The following SORCS2 variants were observed in gnomAD, a reference collection of about 807,000 sequenced individuals.
SORCS2 encodes sortilin related VPS10 domain containing receptor 2, also known as VPS10 domain-containing receptor SorCS2.
A neutral mutation model predicts 141.6 loss-of-function variants in SORCS2; 100 were observed. The ratio of observed to expected loss-of-function variants is 0.71; its 90% confidence interval spans 0.60 to 0.83. The LOEUF (loss-of-function observed/expected upper bound fraction) is 0.83. Among genes scored for constraint, SORCS2 ranks in the 40% least tolerant of loss-of-function variants. The pLI, the probability that SORCS2 is intolerant of heterozygous loss-of-function variation, is 0.00. For synonymous variants in SORCS2, 789 were observed against 676.9 expected (o/e 1.17, Z -2.57); for missense variants, 1,646 against 1,560.2 (o/e 1.05, Z -0.93).
At chr4:7,392,277 C>A (rs1723914818) in intron 1 of SORCS2, among the ~76,000 whole-genome samples, 1 of 152,182 alleles carries the variant, frequency 6.6e-6, no homozygotes, top group Admixed American at 6.5e-5. Context: ...GAGCCCTGGG[C>A]CTCCAGGACA....
At chr4:7,377,162 T>C (rs1288167737) in intron 1 of SORCS2, among the ~76,000 whole-genome samples, 2 of 152,186 alleles carry the variant, frequency 1.3e-5, no homozygotes, top group African/African-American at 2.4e-5. Flanking sequence ...TCTCATAACA[T>C]TGTTTGTCTT....
intron 1 of SORCS2, among the ~76,000 whole-genome samples, chr4:7,361,700 G>T (rs1202917995): frequency 1.3e-5 from 2 of 150,556 alleles, no homozygotes; most frequent in Non-Finnish European, 2.9e-5. Flanking sequence ...GCCCGGGGAA[G>T]GGCTGGGGAC....
chr4:7,642,945 A>C (rs1053447963), intron 4 of SORCS2, among the ~76,000 whole-genome samples: 3 of 152,260 alleles, frequency 2.0e-5, no homozygotes, highest in Non-Finnish European at 4.4e-5. Context: ...CATCGGCCAA[A>C]GCAAGTCACA....
intron 1 of SORCS2, among the ~76,000 whole-genome samples, chr4:7,277,644 C>T (rs557322002): frequency 2.2e-5 from 3 of 136,944 alleles, no homozygotes; most frequent in East Asian, 1.9e-4. Flanking sequence ...TGCCTGTGCT[C>T]GGAACACCAC....
In SORCS2 at chr4:7,704,195, C is replaced by T; in HGVS notation, c.1779C>T (p.Gly593=). The change falls in exon 14 of 27, where the codon GGC becomes GGT. Residue 593 remains glycine, a synonymous_variant. Transcript: ENST00000507866. ...CTGGCAGGTTCAGTGTGGACGAGGG[C>T]CTCACCTGGAGCACGCACAACTTCA... ...LKILKFSVDE[G]LTWSTHNFTS... 3 of 1,612,464 alleles carry T rather than the reference C, an allele frequency of 1.9e-6. No individual in the cohort carries two copies. The highest frequency in any genetic ancestry group is 1.3e-5 in the African/African-American group (1 of 75,024).
intron 1 of SORCS2, among the ~76,000 whole-genome samples, chr4:7,281,223 C>G (rs200680449): frequency 6.6e-6 from 1 of 152,058 alleles, no homozygotes; most frequent in Non-Finnish European, 1.5e-5. Context: ...GTCACTCTTG[C>G]CACAGCCGTG....
chr4:7,614,180 C>A (rs1005341751), intron 3 of SORCS2, among the ~76,000 whole-genome samples: 1 of 151,484 alleles, frequency 6.6e-6, no homozygotes, highest in African/African-American at 2.4e-5. Flanking sequence ...ATCCACCCAT[C>A]AATCCATTCA....
chr4:7,725,845 G>GC (rs1727182810), intron 20 of SORCS2, among the ~76,000 whole-genome samples: 1 of 152,246 alleles, frequency 6.6e-6, no homozygotes, highest in East Asian at 1.9e-4. Context: ...CAGGCAGGAA[G>GC]CCCCCTACCA....
chr4:7,446,188 A>AG (rs1727984908), intron 2 of SORCS2, among the ~76,000 whole-genome samples: 1 of 141,954 alleles, frequency 7.0e-6, no homozygotes, highest in African/African-American at 2.6e-5. Context: ...AGGGGAGGGG[A>AG]GGGGAGGGAA....
chr4:7,320,006 T>A (rs973554956), intron 1 of SORCS2, among the ~76,000 whole-genome samples: 1 of 152,000 alleles, frequency 6.6e-6, no homozygotes, highest in East Asian at 1.9e-4. Flanking sequence ...TACTCTTTTT[T>A]AAAAAGACAG....
intron 2 of SORCS2, among the ~76,000 whole-genome samples, chr4:7,403,758 T>TTA (rs1196480533): frequency 1.3e-5 from 2 of 150,622 alleles, no homozygotes; most frequent in Non-Finnish European, 3.0e-5. Flanking sequence ...TTATTATGAT[T>TTA]TATATATATA....
At chr4:7,517,378 T>C in intron 2 of SORCS2, among the ~76,000 whole-genome samples, 1 of 152,298 alleles carries the variant, frequency 6.6e-6, no homozygotes, top group African/African-American at 2.4e-5. Context: ...GTATCTTATA[T>C]GTAAATATTA....
In SORCS2 at chr4:7,598,597, G is replaced by A. The variant is rs140857889; in HGVS notation, c.649-39731G>A. 7.2e-5 allele frequency among the ~76,000 whole-genome samples: 11 copies of A among 152,314 alleles called. No individual in the cohort carries two copies. In the East Asian group the frequency reaches 2.1e-3, roughly 29 times the overall value. The stretch of plus-strand genomic sequence containing the variant: ...GCATGGCGGCTGTGTGGGGGGCAAT[G>A]CAGGAGGCATGGGAAGAGGAGGCGG... On this transcript the variant is annotated intron_variant, in intron 3 of 26. Transcript: ENST00000507866.
At chr4:7,345,437 G>A (rs1235365562) in intron 1 of SORCS2, among the ~76,000 whole-genome samples, 1 of 152,192 alleles carries the variant, frequency 6.6e-6, no homozygotes, top group Non-Finnish European at 1.5e-5. Flanking sequence ...TTACAAACGA[G>A]GTCATGGACC....
chr4:7,671,010 C>A (rs574667145), intron 8 of SORCS2, among the ~76,000 whole-genome samples: 55 of 152,308 alleles, frequency 3.6e-4, no homozygotes, highest in African/African-American at 1.3e-3. Flanking sequence ...TCCCCCTTTT[C>A]CCTTTTGGGA....
At chr4:7,592,961 G>A (rs1717016070) in intron 3 of SORCS2, among the ~76,000 whole-genome samples, 1 of 152,176 alleles carries the variant, frequency 6.6e-6, no homozygotes, top group South Asian at 2.1e-4. Flanking sequence ...ATCTACTGCT[G>A]TGTGTGTGAC....
intron 2 of SORCS2, among the ~76,000 whole-genome samples, chr4:7,505,536 C>A (rs1047463026): frequency 2.0e-5 from 3 of 152,290 alleles, no homozygotes; most frequent in African/African-American, 4.8e-5. Context: ...GGCATTGGAG[C>A]CCTCTCACTG....
intron 11 of SORCS2, among the ~76,000 whole-genome samples, chr4:7,692,731 G>C (rs1724336459): frequency 6.6e-6 from 1 of 152,200 alleles, no homozygotes; most frequent in Non-Finnish European, 1.5e-5. Flanking sequence ...TTCTTCCCTG[G>C]GGTTTGGATT....
intron 3 of SORCS2, among the ~76,000 whole-genome samples, chr4:7,549,051 G>C (rs891479623): frequency 6.6e-6 from 1 of 152,046 alleles, no homozygotes; most frequent in Admixed American, 6.6e-5. Context: ...GCCATGGCAG[G>C]AGTCAGGGAA....
Sources: allele counts gnomAD v4.1 joint callset (sites outside exome capture counted in the v4.1 genomes callset), GRCh38; gene constraint gnomAD v4.1.1; transcripts MANE v1.5; gene names NCBI Gene and HGNC (gene_info 2026-07-23, HGNC 2026-07-21).